Variants in SP140L observed in about 807,000 individuals in gnomAD.
SP140L encodes nuclear body protein SP140-like protein.
In SP140L, 64 loss-of-function variants were observed where a neutral mutation model predicts 84.3. The observed-to-expected ratio is 0.76, with a 90% CI of 0.62 to 0.94. The LOEUF is 0.94. Among genes scored for constraint, SP140L ranks in the 40% least tolerant of loss-of-function variants. SP140L has a pLI of 0.00. For missense variants in SP140L, 628 were observed against 692.5 expected, an observed-to-expected ratio of 0.91 and a Z score of 1.05; for synonymous variants, 242 against 236.9, an observed-to-expected ratio of 1.02 and a Z score of -0.20.
At chr2:230,367,539 C>A (rs914715229) in intron 5 of SP140L, among the ~76,000 whole-genome samples, 2 of 152,140 alleles carry the variant, frequency 1.3e-5, no homozygotes, top group African/African-American at 4.8e-5. Context: ...AATGATCCTC[C>A]CACCTCAGCT....
intron 11 of SP140L, among the ~76,000 whole-genome samples, chr2:230,391,168 T>C (rs1209212683): frequency 6.6e-6 from 1 of 152,254 alleles, no homozygotes; most frequent in African/African-American, 2.4e-5. Flanking sequence ...TTATAAATAA[T>C]GCTGTTTTGA....
intron 4 of SP140L, 126 bp from the exon 5 acceptor site, chr2:230,361,488 A>G: frequency 1.4e-6 from 1 of 709,992 alleles, no homozygotes; most frequent in Non-Finnish European, 2.5e-6. Context: ...CCAGAAGATG[A>G]TAGGAGAAGT....
Position 230,402,944 on chromosome 2 carries a change from C to A in SP140L, c.*48C>A. The A allele has an allele frequency of 6.7e-7, 1 of 1,491,964 alleles. No homozygotes were observed. The highest frequency in any genetic ancestry group is 9.2e-7 in the Non-Finnish European group (1 of 1,089,966). The allele number at this position is 1,491,964 out of a possible 1,614,324, so 92.4% of individuals were successfully genotyped here. A position where few individuals can be genotyped will look rare whatever the true frequency, so the allele number is the denominator to read the frequency against. The stretch of plus-strand genomic sequence containing the variant: ...CCTTCAGGAAATATGCTACTGGTTG[C>A]CACTGACTTCAAACTGAGAGCACTT... On this transcript the variant is annotated 3_prime_UTR_variant, in exon 19 of 19. Coordinates refer to ENST00000415673, the MANE Select transcript of SP140L (RefSeq NM_138402.6).
chr2:230,400,988 G>T lies in SP140L; in HGVS notation c.1347G>T (p.Lys449Asn), dbSNP rs370724212. Residue 449 changes from lysine (K) to asparagine (N), a missense_variant, in exon 16 of 19, where the codon AAG (lysine) becomes AAT (asparagine). By Grantham distance (94) the Lys-to-Asn change is moderately conservative. Transcript: ENST00000415673. ...GGAATTGCATCTTCTGCAGGATGAA[G>T]GAGTCTCCGGGAAGCCAACAGTGTT... ...TPWNCIFCRM[K>N]ESPGSQQCCQ... The T allele has an allele frequency of 9.7e-5, 148 of 1,533,168 alleles. No homozygotes were observed. The African/African-American group carries it at 1.9e-3, about 20-fold the overall frequency. 95.0% of individuals were successfully genotyped at this position (1,533,168 alleles called of 1,614,324 possible). A position where few individuals can be genotyped will look rare whatever the true frequency, so the allele number is the denominator to read the frequency against.
intron 7 of SP140L, among the ~76,000 whole-genome samples, chr2:230,380,484 T>C (rs1192400565): frequency 2.6e-5 from 4 of 152,216 alleles, no homozygotes; most frequent in African/African-American, 9.7e-5. Context: ...GCATTCTTTT[T>C]TTAAGATAAA....
Position 230,398,992 on chromosome 2 carries a change from C to A in SP140L, c.1198-1135C>A, listed in dbSNP as rs756204920. Among the ~76,000 whole-genome samples the A allele has an allele frequency of 2.6e-5, 4 of 152,176 alleles. No individual in the cohort carries two copies. In the East Asian group the frequency reaches 7.7e-4, roughly 29 times the overall value. Reference sequence around the variant, plus strand: ...GAAACCTTATCTGCAGGAGCAGAGCCGGCGGAGGACTTGTAGATAGACCAT... The same window carrying A: ...GAAACCTTATCTGCAGGAGCAGAGCAGGCGGAGGACTTGTAGATAGACCAT... On this transcript the variant is annotated intron_variant, in intron 14 of 18. Transcript: ENST00000415673.
chr2:230,373,680 A>T (rs950222237), intron 7 of SP140L, among the ~76,000 whole-genome samples: 1 of 152,250 alleles, frequency 6.6e-6, no homozygotes, highest in Non-Finnish European at 1.5e-5. Flanking sequence ...TGCTATTTCC[A>T]TGCCTGCTAA....
At chr2:230,400,058 G>A in intron 14 of SP140L, 69 bp from the exon 15 acceptor site, 1 of 1,549,714 alleles carries the variant, frequency 6.5e-7, no homozygotes, top group Non-Finnish European at 8.9e-7. Flanking sequence ...GTGTGTTCTA[G>A]ATGCCCAGAG....
At chr2:230,402,571 G>T (rs2062399441) in intron 18 of SP140L, among the ~76,000 whole-genome samples, 1 of 152,178 alleles carries the variant, frequency 6.6e-6, no homozygotes, top group South Asian at 2.1e-4. Context: ...CACAAAAAAT[G>T]ATGGCTCTTT....
At chr2:230,347,961 C>T (rs577570619) in intron 2 of SP140L, among the ~76,000 whole-genome samples, 1 of 152,336 alleles carries the variant, frequency 6.6e-6, no homozygotes, top group African/African-American at 2.4e-5. Context: ...GCCCTCACTT[C>T]TTCATTTCTG....
chr2:230,391,019 C>T (rs1173954437), intron 11 of SP140L, among the ~76,000 whole-genome samples: 1 of 152,222 alleles, frequency 6.6e-6, no homozygotes, highest in Middle Eastern at 3.2e-3. Context: ...TGCTTTTAAT[C>T]AGCATGATGT....
At position 230,396,804 on chromosome 2, in the gene SP140L, T is replaced by C; in HGVS notation, c.1197+6T>C. ...ATAGCTCAGTTGACCCTTGTGTAAG[T>C]ATAAATTCTGAACTACAACCCCCAG... On this transcript the variant is annotated splice_donor_region_variant and intron_variant, in intron 14 of 18. Coordinates refer to ENST00000415673, the MANE Select transcript of SP140L (RefSeq NM_138402.6). 1 of 1,613,930 alleles carries C rather than the reference T, an allele frequency of 6.2e-7. No homozygotes were observed. The highest frequency in any genetic ancestry group is 8.5e-7 in the Non-Finnish European group (1 of 1,179,862).
Position 230,392,190 on chromosome 2 carries a change from T to A in SP140L, c.1068T>A (p.Ser356Arg). The change falls in exon 12 of 19, where the codon AGT becomes AGA. Residue 356 changes from serine (S) to arginine (R), a missense_variant. Transcript: ENST00000415673. The stretch of plus-strand genomic sequence containing the variant: ...CAAGATCAAAGAACTGGAGGCTGAG[T>A]GTGCGCTGTGGCGGGTGGCCCCTAC... ...GYARSKNWRL[S>R]VRCGGWPLRR... The A allele has an allele frequency of 3.1e-6, 5 of 1,614,018 alleles. No homozygotes were observed. Among genetic ancestry groups the A allele is most frequent in the Non-Finnish European group, 4.2e-6 (5 of 1,179,942 alleles).
intron 2 of SP140L, among the ~76,000 whole-genome samples, chr2:230,334,060 C>T (rs1407509526): frequency 5.3e-5 from 8 of 152,174 alleles, no homozygotes; most frequent in African/African-American, 1.9e-4. Flanking sequence ...CATCAAGTGT[C>T]CATTGGGTGT....
At chr2:230,335,744 G>C (rs1468690313) in intron 2 of SP140L, among the ~76,000 whole-genome samples, 1 of 152,154 alleles carries the variant, frequency 6.6e-6, no homozygotes, top group Non-Finnish European at 1.5e-5. Context: ...AGGATGATTG[G>C]AGAGGGACGG....
intron 5 of SP140L, among the ~76,000 whole-genome samples, chr2:230,368,903 A>T (rs1293640349): frequency 6.6e-6 from 1 of 152,160 alleles, no homozygotes; most frequent in African/African-American, 2.4e-5. Context: ...GTTTGCTGAG[A>T]TTCCTTAAAA....
At chr2:230,341,499 G>A (rs373708303) in intron 2 of SP140L, among the ~76,000 whole-genome samples, 2 of 149,728 alleles carry the variant, frequency 1.3e-5, no homozygotes, top group Non-Finnish European at 3.0e-5. Context: ...GCTCGTCAAA[G>A]TCATTCTCCA....
chr2:230,356,701 GAA>G (rs1428420737), intron 2 of SP140L, among the ~76,000 whole-genome samples: 2 of 152,028 alleles, frequency 1.3e-5, no homozygotes, highest in Non-Finnish European at 2.9e-5. Flanking sequence ...TGTTTCTTCC[GAA>G]TTCTGTAGGG....
At position 230,371,621 on chromosome 2, in the gene SP140L, T is replaced by G; in HGVS notation, c.607T>G (p.Ser203Ala). Residue 203 changes from serine to alanine, a missense_variant, in exon 7 of 19, where the codon TCT becomes GCT. This residue lies in a region of SP140L where 525 missense variants were observed against 518.4 expected (regional missense o/e 1.01). Transcript: ENST00000415673. ...KMDTVDIANN[S>A]TLGKPKRKRR... ...AGATACTGTGGATATTGCAAACAAC[T>G]CTACTTTGGGAAAACCCAAGAGGAA... 1 of 1,607,280 alleles carries G rather than the reference T, an allele frequency of 6.2e-7. No homozygotes were observed. Among genetic ancestry groups the G allele is most frequent in the African/African-American group, 1.3e-5 (1 of 74,772 alleles).
Sources: allele counts gnomAD v4.1 joint callset (sites outside exome capture counted in the v4.1 genomes callset), GRCh38; gene constraint gnomAD v4.1.1; regional missense constraint gnomAD v4.1.1; transcripts MANE v1.5; gene names NCBI Gene and HGNC (gene_info 2026-07-23, HGNC 2026-07-21).